Variants in CNKSR3 observed in about 807,000 individuals in gnomAD.
The protein encoded by CNKSR3 is CNKSR family member 3.
Under a neutral mutation model 67.7 loss-of-function variants are expected in CNKSR3, and 36 were observed. The ratio of observed to expected loss-of-function variants is 0.53; its 90% confidence interval spans 0.41 to 0.70. CNKSR3 has a LOEUF of 0.70. Ranked by LOEUF, CNKSR3 falls within the 30% of genes least tolerant of loss-of-function variation. The pLI, the probability that CNKSR3 is intolerant of heterozygous loss-of-function variation, is 0.00. For synonymous variants in CNKSR3, 281 were observed against 271.4 expected, an observed-to-expected ratio of 1.04 and a Z score of -0.35; for missense variants, 630 against 695.2, an observed-to-expected ratio of 0.91 and a Z score of 1.05.
At chr6:154,494,042 C>A (rs1246549238) in intron 1 of CNKSR3, among the ~76,000 whole-genome samples, 1 of 152,146 alleles carries the variant, frequency 6.6e-6, no homozygotes, top group Non-Finnish European at 1.5e-5. Context: ...TAAGTGGCAT[C>A]ATTTCAGAAT....
chr6:154,411,208 C>T, intron 10 of CNKSR3, 66 bp from the exon 11 acceptor site: 1 of 1,107,066 alleles, frequency 9.0e-7, no homozygotes, highest in Non-Finnish European at 1.4e-6. Context: ...AGAATTCCAG[C>T]AGTGCTGCTA....
At chr6:154,494,877 A>C (rs542637498) in intron 1 of CNKSR3, among the ~76,000 whole-genome samples, 8 of 148,532 alleles carry the variant, frequency 5.4e-5, no homozygotes, top group Admixed American at 1.3e-4. Flanking sequence ...AGAACTGCTT[A>C]TCTCTCCAAG....
intron 4 of CNKSR3, chr6:154,434,208 T>C (rs1204092281): frequency 6.6e-6 from 1 of 152,222 alleles, no homozygotes; most frequent in Non-Finnish European, 1.5e-5. Context: ...GGAATCACCA[T>C]TGTCTTGTCT....
Position 154,405,545 on chromosome 6 carries a change from G to A in CNKSR3, c.*809C>T, listed in dbSNP as rs934173323. 9.9e-5 allele frequency: 15 copies of A among 152,282 alleles called. No individual in the cohort carries two copies. The highest frequency in any genetic ancestry group is 3.1e-4 in the African/African-American group (13 of 41,548). 9.4% of individuals were successfully genotyped at this position (152,282 alleles called of 1,614,324 possible). A position where few individuals can be genotyped will look rare whatever the true frequency, so the allele number is the denominator to read the frequency against. The stretch of plus-strand genomic sequence containing the variant: ...GTGCTGGAAGACAGACACTGAACAG[G>A]TCAAAATGCAAACTCATGTATCTTT... On this transcript the variant is annotated 3_prime_UTR_variant, in exon 13 of 13. Coordinates refer to ENST00000607772, the MANE Select transcript of CNKSR3 (RefSeq NM_173515.4).
chr6:154,442,077 C>T lies in CNKSR3; in HGVS notation c.419+11G>A. The T allele has an allele frequency of 1.3e-6, 2 of 1,594,420 alleles. No individual in the cohort carries two copies. Among genetic ancestry groups the T allele is most frequent in the Non-Finnish European group, 1.7e-6 (2 of 1,167,388 alleles). On this transcript the variant is annotated intron_variant, in intron 3 of 12. Coordinates refer to ENST00000607772, the MANE Select transcript of CNKSR3 (RefSeq NM_173515.4). ...TCTTGCAGGGCAGTAAAAGGCACAT[C>T]TCCAACTTACCGGTCCAGCCACGCC...
chr6:154,505,852 C>T (rs1047769889), intron 1 of CNKSR3, among the ~76,000 whole-genome samples: 2 of 152,152 alleles, frequency 1.3e-5, no homozygotes, highest in African/African-American at 4.8e-5. Context: ...ACAGCCAAGG[C>T]TAGGACAGTT....
chr6:154,441,548 A>T (rs1785587147), intron 3 of CNKSR3, among the ~76,000 whole-genome samples, 169 bp from the exon 4 acceptor site: 1 of 152,088 alleles, frequency 6.6e-6, no homozygotes, highest in South Asian at 2.1e-4. Context: ...CAGTGGGATG[A>T]TCTTGGCTCA....
At chr6:154,477,026 T>A (rs1449062984) in intron 1 of CNKSR3, among the ~76,000 whole-genome samples, 1 of 152,200 alleles carries the variant, frequency 6.6e-6, no homozygotes, top group Non-Finnish European at 1.5e-5. Flanking sequence ...ATGTCTACTT[T>A]CTTATCTTCT....
intron 1 of CNKSR3, among the ~76,000 whole-genome samples, chr6:154,453,948 A>G (rs6557352): frequency 0.73 from 110,670 of 151,974 alleles, 40,871 homozygotes; most frequent in East Asian, 0.9. Context: ...AATTAAACAC[A>G]TAATTAAATG....
chr6:154,440,005 T>C (rs760569013), intron 4 of CNKSR3, among the ~76,000 whole-genome samples: 8 of 152,356 alleles, frequency 5.3e-5, no homozygotes, highest in Middle Eastern at 6.8e-3. Flanking sequence ...ACAAATGCCA[T>C]GCCTTCATGG....
chr6:154,436,917 T>C (rs1182271115), intron 4 of CNKSR3, among the ~76,000 whole-genome samples: 2 of 152,188 alleles, frequency 1.3e-5, no homozygotes, highest in Non-Finnish European at 2.9e-5. Flanking sequence ...AATGTGCAGT[T>C]TCCTTGCAGG....
In CNKSR3 at chr6:154,450,315, T is replaced by G. The variant is rs4870285; in HGVS notation, c.53-57A>C. 23 of 1,561,756 alleles carry G rather than the reference T, an allele frequency of 1.5e-5. No homozygotes were observed. In the African/African-American group the frequency reaches 2.7e-4, roughly 18 times the overall value. ...CCATTTTGTTCCTTTACCCACCCCC[T>G]GCAAACTGCCCACATGTCACATCAA... is the stretch of plus-strand genomic sequence containing the variant. On this transcript the variant is annotated intron_variant, in intron 1 of 12. Coordinates refer to ENST00000607772, the MANE Select transcript of CNKSR3 (RefSeq NM_173515.4).
rs1268834106 is a variant in CNKSR3, at chr6:154,500,862, A to G, written c.52+9201T>C. Among the ~76,000 whole-genome samples, 3 of 152,212 alleles carry G rather than the reference A, an allele frequency of 2.0e-5. No individual in the cohort carries two copies. In the East Asian group the frequency reaches 5.8e-4, roughly 29 times the overall value. On this transcript the variant is annotated intron_variant, in intron 1 of 12. Coordinates refer to ENST00000607772, the MANE Select transcript of CNKSR3 (RefSeq NM_173515.4). Reference sequence around the variant, plus strand: ...CAACCATATTTGCCCTTCTGATCCCAGGTTTAAAAATGTTCAATCAGCCAT... The same window carrying G: ...CAACCATATTTGCCCTTCTGATCCCGGGTTTAAAAATGTTCAATCAGCCAT...
chr6:154,416,546 T>C (rs1458432161), intron 9 of CNKSR3, among the ~76,000 whole-genome samples: 1 of 152,174 alleles, frequency 6.6e-6, no homozygotes, highest in Non-Finnish European at 1.5e-5. Context: ...AAAACACACA[T>C]ATTGATAATT....
intron 1 of CNKSR3, among the ~76,000 whole-genome samples, chr6:154,494,480 T>A (rs1786840149): frequency 6.6e-6 from 1 of 152,038 alleles, no homozygotes; most frequent in Admixed American, 6.5e-5. Context: ...ACATGAGAAA[T>A]TAGCAAGTTT....
At chr6:154,474,428 G>T (rs978628767) in intron 1 of CNKSR3, among the ~76,000 whole-genome samples, 1 of 73,674 alleles carries the variant, frequency 1.4e-5, no homozygotes, top group Non-Finnish European at 2.6e-5. Context: ...AAAAAAAGTG[G>T]GGGGGGGCAA....
rs1371315593 is a variant in CNKSR3, at chr6:154,442,184, T to G, written c.323A>C (p.Tyr108Ser). The G allele has an allele frequency of 6.2e-7, 1 of 1,614,226 alleles. No homozygotes were observed. The highest frequency in any genetic ancestry group is 2.2e-5 in the East Asian group (1 of 44,888). The change falls in exon 3 of 13, where the codon TAC becomes TCC. Residue 108 changes from tyrosine to serine, a missense_variant. This residue lies in a region of CNKSR3 where 189 missense variants were observed against 205.0 expected (regional missense o/e 0.92). Transcript: ENST00000607772. ...GGCCTTGCGGGAGGTGTTGCCATCGTAAGCGGGACTTTTCCGTCGGCTACT... is the reference window on the plus strand; with the variant it reads ...GGCCTTGCGGGAGGTGTTGCCATCGGAAGCGGGACTTTTCCGTCGGCTACT... Reference protein sequence around the residue: ...YISSRRKSPAYDGNTSRKAPN... With the variant: ...YISSRRKSPASDGNTSRKAPN...
At chr6:154,423,828 A>G (rs753193096) in intron 7 of CNKSR3, among the ~76,000 whole-genome samples, 9 of 152,176 alleles carry the variant, frequency 5.9e-5, no homozygotes, top group Non-Finnish European at 8.8e-5. Flanking sequence ...TTTTCTTTTC[A>G]TTTTCAGATT....
chr6:154,470,880 C>A (rs532567006), intron 1 of CNKSR3, among the ~76,000 whole-genome samples: 11 of 152,324 alleles, frequency 7.2e-5, no homozygotes, highest in African/African-American at 2.6e-4. Context: ...AGGAGCTGCA[C>A]CATGTTACAT....
Sources: allele counts gnomAD v4.1 joint callset (sites outside exome capture counted in the v4.1 genomes callset), GRCh38; gene constraint gnomAD v4.1.1; regional missense constraint gnomAD v4.1.1; transcripts MANE v1.5; gene names NCBI Gene and HGNC (gene_info 2026-07-23, HGNC 2026-07-21).